PDE1A: variants seen among roughly 807,000 people sequenced by gnomAD.
The protein encoded by PDE1A is phosphodiesterase 1A, also known as dual specificity calcium/calmodulin-dependent 3',5'-cyclic nucleotide phosphodiesterase 1A.
In PDE1A, 35 loss-of-function variants were observed where a neutral mutation model predicts 61.7. The observed-to-expected ratio is 0.57, with a 90% CI of 0.43 to 0.75. The LOEUF (loss-of-function observed/expected upper bound fraction) is 0.75, where lower values mean the gene tolerates loss of function less well. Among genes scored for constraint, PDE1A ranks in the 30% least tolerant of loss-of-function variants. The probability of loss-of-function intolerance (pLI) is 0.00; values close to 1 mark genes in which losing one functional copy is unlikely to be tolerated. For synonymous variants in PDE1A, 232 were observed against 213.2 expected (o/e 1.09, Z -0.77); for missense variants, 597 against 630.6 (o/e 0.95, Z 0.57).
At chr2:182,192,037 A>G (rs1685743128) in intron 10 of PDE1A, among the ~76,000 whole-genome samples, 1 of 151,824 alleles carries the variant, frequency 6.6e-6, no homozygotes, top group East Asian at 1.9e-4. Context: ...TTATATTTTT[A>G]GTAGAGATGG....
At chr2:182,328,149 G>A (rs899748763) in intron 1 of PDE1A, among the ~76,000 whole-genome samples, 12 of 152,154 alleles carry the variant, frequency 7.9e-5, no homozygotes, top group African/African-American at 2.9e-4. Flanking sequence ...AGAGTGACAG[G>A]GCAGAGACCA....
At chr2:182,278,053 ACTT>A (rs200924965) in intron 1 of PDE1A, among the ~76,000 whole-genome samples, 1,646 of 152,174 alleles carry the variant, frequency 0.011, 21 homozygotes, top group Middle Eastern at 0.038. Flanking sequence ...GATCCTGATG[ACTT>A]CTTCTTGGAA....
At chr2:182,426,736 A>C in exon 1 of PDE1A, 2 of 1,567,464 alleles carry the variant, frequency 1.3e-6, no homozygotes, top group Non-Finnish European at 1.7e-6. Context: ...CCCAGAAAGA[A>C]AAAGTAGTTT....
intron 2 of PDE1A, among the ~76,000 whole-genome samples, chr2:182,254,087 A>G (rs940784586): frequency 6.6e-6 from 1 of 152,228 alleles, no homozygotes; most frequent in Non-Finnish European, 1.5e-5. Context: ...CATCACTAAT[A>G]GTCAGATCTT....
chr2:182,246,420 TTTTGAC>T (rs1690974518), intron 2 of PDE1A, among the ~76,000 whole-genome samples: 1 of 129,592 alleles, frequency 7.7e-6, no homozygotes, highest in African/African-American at 2.9e-5. Flanking sequence ...TTTTTTTTTT[TTTTGAC>T]AGAGTCTTGC....
chr2:182,477,667 A>C (rs906518371), intron 2 of PDE1A, among the ~76,000 whole-genome samples: 1 of 151,960 alleles, frequency 6.6e-6, no homozygotes, highest in Admixed American at 6.6e-5. Flanking sequence ...ATTTAATTTC[A>C]TGCCACAAAA....
At chr2:182,323,861 G>C (rs1408264580) in intron 1 of PDE1A, among the ~76,000 whole-genome samples, 5 of 152,182 alleles carry the variant, frequency 3.3e-5, no homozygotes, top group African/African-American at 1.2e-4. Context: ...GAGCAGACCA[G>C]CGTGTCAGTG....
chr2:182,158,397 A>C (rs968161120), intron 13 of PDE1A, among the ~76,000 whole-genome samples: 1 of 152,172 alleles, frequency 6.6e-6, no homozygotes, highest in Non-Finnish European at 1.5e-5. Context: ...AAATTACATC[A>C]AAACTATTCT....
intron 2 of PDE1A, among the ~76,000 whole-genome samples, chr2:182,244,849 G>T (rs1690832810): frequency 6.6e-6 from 1 of 152,170 alleles, no homozygotes; most frequent in African/African-American, 2.4e-5. Flanking sequence ...GTGAATCTGG[G>T]TATGAGTTCA....
chr2:182,273,514 C>G (rs1693185645), intron 1 of PDE1A, among the ~76,000 whole-genome samples: 1 of 151,544 alleles, frequency 6.6e-6, no homozygotes, highest in African/African-American at 2.4e-5. Flanking sequence ...TCATGCTTAT[C>G]TACTGAACTA....
chr2:182,257,440 T>G (rs1182476452), intron 2 of PDE1A, among the ~76,000 whole-genome samples: 1 of 152,174 alleles, frequency 6.6e-6, no homozygotes, highest in African/African-American at 2.4e-5. Context: ...AAAAATACTT[T>G]GAATAGGTCT....
At chr2:182,605,056 A>C in the PDE1A span, among the ~76,000 whole-genome samples, 6 of 150,552 alleles carry the variant, frequency 4.0e-5, no homozygotes, top group Non-Finnish European at 5.9e-5. Context: ...TTTTTTAATC[A>C]TGTTCCTTGG....
At chr2:182,679,802 T>A in the PDE1A span, among the ~76,000 whole-genome samples, 1 of 152,150 alleles carries the variant, frequency 6.6e-6, no homozygotes, top group Non-Finnish European at 1.5e-5. Flanking sequence ...AATCAACAAC[T>A]TTTTTCCTAG....
chr2:182,693,800 C>T, the PDE1A span, among the ~76,000 whole-genome samples: 1 of 152,026 alleles, frequency 6.6e-6, no homozygotes, highest in African/African-American at 2.4e-5. Context: ...GCACCCACCA[C>T]CACACCCAAC....
intron 3 of PDE1A, among the ~76,000 whole-genome samples, chr2:182,235,711 G>A (rs1689955576): frequency 1.3e-5 from 2 of 152,198 alleles, no homozygotes; most frequent in South Asian, 2.1e-4. Context: ...ACAACGAGCT[G>A]AATTTCTAGG....
At chr2:182,563,133 T>G in the PDE1A span, among the ~76,000 whole-genome samples, 1 of 152,234 alleles carries the variant, frequency 6.6e-6, no homozygotes, top group Non-Finnish European at 1.5e-5. Context: ...CTCTAGTTCT[T>G]TTAATTGTGA....
chr2:182,681,142 G>A, the PDE1A span, among the ~76,000 whole-genome samples: 79 of 151,546 alleles, frequency 5.2e-4, no homozygotes, highest in African/African-American at 1.8e-3. Context: ...TACTTCACTG[G>A]GGCCTGTTTT....
At chr2:182,683,031 CA>C in the PDE1A span, among the ~76,000 whole-genome samples, 2 of 151,396 alleles carry the variant, frequency 1.3e-5, no homozygotes, top group South Asian at 4.2e-4. Context: ...TATGATCAAA[CA>C]TATATGAATT....
the PDE1A span, among the ~76,000 whole-genome samples, chr2:182,615,121 G>T: frequency 2.6e-5 from 4 of 152,110 alleles, no homozygotes; most frequent in Non-Finnish European, 5.9e-5. Flanking sequence ...AGACTATGTA[G>T]CTATGACAGA....
Sources: gnomAD v4.1 joint callset for allele counts (sites outside exome capture counted in the v4.1 genomes callset) on GRCh38, gnomAD v4.1.1 for gene constraint, MANE v1.5 for transcripts, NCBI Gene and HGNC (gene_info 2026-07-23, HGNC 2026-07-21) for gene names.